SLC39A14: variants seen among roughly 807,000 people sequenced by gnomAD.
The protein encoded by SLC39A14 is solute carrier family 39 member 14, also known as metal cation symporter ZIP14.
SLC39A14 carries 19 observed loss-of-function variants against 45.5 expected under a neutral mutation model. That is an observed-to-expected ratio of 0.42 (90% CI 0.29 to 0.61). The LOEUF is 0.61. Among genes scored for constraint, SLC39A14 ranks in the 20% least tolerant of loss-of-function variants. The pLI is 0.22. For synonymous variants in SLC39A14, 264 were observed against 251.3 expected (o/e 1.05, Z -0.48); for missense variants, 447 against 616.5 (o/e 0.73, Z 2.91).
At chr8:22,385,737 C>T (rs1397700979) in intron 1 of SLC39A14, among the ~76,000 whole-genome samples, 1 of 151,932 alleles carries the variant, frequency 6.6e-6, no homozygotes, top group Non-Finnish European at 1.5e-5. Context: ...TGGCTCACAC[C>T]CATAATCCTA....
chr8:22,401,951 T>C (rs1399739692), intron 1 of SLC39A14, among the ~76,000 whole-genome samples: 1 of 152,240 alleles, frequency 6.6e-6, no homozygotes, highest in East Asian at 1.9e-4. Context: ...GAAACTGATA[T>C]GATTTACTTG....
In SLC39A14 at chr8:22,415,804, G is replaced by A. The variant is rs140196421; in HGVS notation, c.786G>A (p.Ser262=). The A allele has an allele frequency of 1.7e-5, 28 of 1,612,868 alleles. No homozygotes were observed. The highest frequency in any genetic ancestry group is 6.7e-5 in the Admixed American group (4 of 59,574). The change falls in exon 6 of 9, where the codon TCG becomes TCA. Residue 262 remains serine, a synonymous_variant. Coordinates refer to ENST00000381237, the MANE Select transcript of SLC39A14 (RefSeq NM_001128431.4). ...HHGHSHYASE[S]LPSKKDQEEG... ...GACACAGCCATTATGCCTCTGAGTCGCTTCCCTCCAAGAAGGACCAGGAGG... is the reference window on the plus strand; with the variant it reads ...GACACAGCCATTATGCCTCTGAGTCACTTCCCTCCAAGAAGGACCAGGAGG...
rs1161420290 is a variant in SLC39A14, at chr8:22,412,170, C to T, written c.591C>T (p.Thr197=). ...LLYFIALAIG[T]LYSNALFQLI... is the part of the protein sequence containing the mutation. ...ACTTCATAGCTCTGGCGATTGGAAC[C>T]CTCTACTCCAACGCCCTCTTCCAGC... The change falls in exon 4 of 9, where the codon ACC becomes ACT. Residue 197 remains threonine, a synonymous_variant. Coordinates refer to ENST00000381237, the MANE Select transcript of SLC39A14 (RefSeq NM_001128431.4). 2 of 1,551,732 alleles carry T rather than the reference C, an allele frequency of 1.3e-6. No individual in the cohort carries two copies. Among genetic ancestry groups the T allele is most frequent in the Non-Finnish European group, 1.7e-6 (2 of 1,147,000 alleles).
At chr8:22,423,658 G>T (rs982626441), downstream of SLC39A14, among the ~76,000 whole-genome samples, 1 of 151,814 alleles carries the variant, frequency 6.6e-6, no homozygotes, top group Admixed American at 6.6e-5. Context: ...TAGAGATGGG[G>T]TTGCGCCATG....
At chr8:22,428,246 G>T (rs1289861213) in intron 8 of SLC39A14, among the ~76,000 whole-genome samples, 1 of 152,028 alleles carries the variant, frequency 6.6e-6, no homozygotes, top group Non-Finnish European at 1.5e-5. Flanking sequence ...GCAGTGAGCT[G>T]AAATTGCGCC....
intron 8 of SLC39A14, among the ~76,000 whole-genome samples, chr8:22,428,886 G>A (rs992568314): frequency 6.6e-6 from 1 of 152,222 alleles, no homozygotes; most frequent in African/African-American, 2.4e-5. Context: ...CCTTGGAAAA[G>A]TGTTGATGTT....
At chr8:22,410,145 C>T in intron 3 of SLC39A14, 1 of 1,613,048 alleles carries the variant, frequency 6.2e-7, no homozygotes, top group African/African-American at 1.3e-5. Context: ...TGCGCGTCCT[C>T]TTTCCCTGGG....
At chr8:22,372,733 A>G (rs1310952759) in intron 1 of SLC39A14, among the ~76,000 whole-genome samples, 2 of 152,280 alleles carry the variant, frequency 1.3e-5, no homozygotes, top group East Asian at 3.9e-4. Flanking sequence ...TTTTGATGCT[A>G]GGACCCCTTA....
intron 3 of SLC39A14, among the ~76,000 whole-genome samples, chr8:22,408,820 C>CTTT (rs71544900): frequency 0.33 from 42,627 of 130,176 alleles, 7,623 homozygotes; most frequent in East Asian, 0.59. Flanking sequence ...CTTTTTTAAT[C>CTTT]TTTTTTTTTT....
chr8:22,405,428 G>T (rs182414783), intron 2 of SLC39A14, among the ~76,000 whole-genome samples: 1 of 152,146 alleles, frequency 6.6e-6, no homozygotes, highest in Non-Finnish European at 1.5e-5. Context: ...CAAGAGAATC[G>T]CTTGAACCCA....
chr8:22,391,647 T>C (rs1396708512), intron 1 of SLC39A14, among the ~76,000 whole-genome samples: 1 of 151,948 alleles, frequency 6.6e-6, no homozygotes, highest in Non-Finnish European at 1.5e-5. Flanking sequence ...CTCGGCTCAC[T>C]GCAACTTCTG....
In SLC39A14 at chr8:22,421,050, C is replaced by T; in HGVS notation, c.*1352C>T. On this transcript the variant is annotated 3_prime_UTR_variant, in exon 9 of 9. Transcript: ENST00000381237. The stretch of plus-strand genomic sequence containing the variant: ...AGCTCTGGCTTCAAGGGGAGCTCTT[C>T]TCCAGGTTCACTAGGTGAATTGATT... The T allele has an allele frequency of 3.0e-6, 3 of 985,880 alleles. No individual in the cohort carries two copies. Among genetic ancestry groups the T allele is most frequent in the Non-Finnish European group, 3.6e-6 (3 of 829,946 alleles). The allele number at this position is 985,880 out of a possible 1,614,324, so 61.1% of individuals were successfully genotyped here. A position where few individuals can be genotyped will look rare whatever the true frequency, so the allele number is the denominator to read the frequency against.
intron 1 of SLC39A14, among the ~76,000 whole-genome samples, chr8:22,389,515 T>C (rs1193703556): frequency 1.3e-5 from 2 of 151,482 alleles, no homozygotes; most frequent in Non-Finnish European, 2.9e-5. Context: ...AGCAGTGGGG[T>C]TGCCACTGAG....
rs149478079 is a variant in SLC39A14 at position 22,375,444 on chromosome 8, G to C, written c.-16+8036G>C. Among the ~76,000 whole-genome samples the C allele has an allele frequency of 4.9e-3, 745 of 150,848 alleles. 7 individuals are homozygous for C. Among genetic ancestry groups the C allele is most frequent in the African/African-American group, 0.017 (712 of 41,122 alleles). The stretch of plus-strand genomic sequence containing the variant: ...TGGCTATCTACACCCATCTTACCTC[G>C]ACATCAAAATTTCTCCCTAAGCATT... On this transcript the variant is annotated intron_variant, in intron 1 of 8. Coordinates refer to ENST00000381237, the MANE Select transcript of SLC39A14 (RefSeq NM_001128431.4).
At chr8:22,423,179 T>G (rs1836314964), downstream of SLC39A14, among the ~76,000 whole-genome samples, 1 of 151,966 alleles carries the variant, frequency 6.6e-6, no homozygotes. Flanking sequence ...AGTCTCACTC[T>G]GTCACCCAGG....
chr8:22,371,414 CTT>C (rs373230777), intron 1 of SLC39A14, among the ~76,000 whole-genome samples: 3 of 120,042 alleles, frequency 2.5e-5, no homozygotes, highest in Non-Finnish European at 4.0e-5. Flanking sequence ...AAATACATGT[CTT>C]TTTTTTTTTT....
intron 1 of SLC39A14, among the ~76,000 whole-genome samples, chr8:22,388,978 T>C (rs1833925703): frequency 6.6e-6 from 1 of 152,210 alleles, no homozygotes; most frequent in Non-Finnish European, 1.5e-5. Context: ...ATGCAGCCCC[T>C]GCCTTTCTTG....
At chr8:22,382,737 CAG>C (rs764684535) in intron 1 of SLC39A14, among the ~76,000 whole-genome samples, 35 of 152,070 alleles carry the variant, frequency 2.3e-4, no homozygotes, top group Admixed American at 5.9e-4. Flanking sequence ...CTTTTTGAGA[CAG>C]AGTCTTACTC....
intron 1 of SLC39A14, among the ~76,000 whole-genome samples, chr8:22,375,676 GGTGGGGTTTC>G (rs1376225998): frequency 6.6e-6 from 1 of 152,060 alleles, no homozygotes; most frequent in Non-Finnish European, 1.5e-5. Flanking sequence ...TTTTAGTAGA[GGTGGGGTTTC>G]GCCATGTTGG....
Sources: allele counts gnomAD v4.1 joint callset (sites outside exome capture counted in the v4.1 genomes callset), GRCh38; gene constraint gnomAD v4.1.1; transcripts MANE v1.5; gene names NCBI Gene and HGNC (gene_info 2026-07-23, HGNC 2026-07-21).